The following XKR4 variants were observed in gnomAD, a reference collection of about 807,000 sequenced individuals.
XKR4 encodes XK-related protein 4.
Under a neutral mutation model 53.9 loss-of-function variants are expected in XKR4, and 12 were observed. The ratio of observed to expected loss-of-function variants is 0.22; its 90% CI spans 0.14 to 0.36. The LOEUF is 0.36. XKR4 is among the 10% of genes least tolerant of loss of function. The pLI is 1.00. For missense variants in XKR4, 799 were observed against 859.5 expected (o/e 0.93, Z 0.88); for synonymous variants, 354 against 362.4 (o/e 0.98, Z 0.26).
chr8:55,297,655 A>ATAAG (rs1186990131), intron 1 of XKR4, among the ~76,000 whole-genome samples: 19 of 152,238 alleles, frequency 1.2e-4, no homozygotes, highest in African/African-American at 4.1e-4. Context: ...TTTTTAACAC[A>ATAAG]TAAGTTTTTA....
At chr8:55,432,404 A>G (rs1805116515) in intron 2 of XKR4, among the ~76,000 whole-genome samples, 1 of 152,204 alleles carries the variant, frequency 6.6e-6, no homozygotes, top group Non-Finnish European at 1.5e-5. Flanking sequence ...CAGGAAGTAA[A>G]TGCTGTGCCA....
chr8:55,261,338 G>C (rs1297579042), intron 1 of XKR4, among the ~76,000 whole-genome samples: 1 of 152,266 alleles, frequency 6.6e-6, no homozygotes, highest in Non-Finnish European at 1.5e-5. Flanking sequence ...GCCATATATA[G>C]ATCTAACTAG....
chr8:55,338,199 TA>T (rs1803491316), intron 1 of XKR4, among the ~76,000 whole-genome samples: 1 of 152,264 alleles, frequency 6.6e-6, no homozygotes. Context: ...AATTGTGTTT[TA>T]AAATTTGCAT....
chr8:55,441,765 G>A (rs752347470), intron 2 of XKR4, among the ~76,000 whole-genome samples: 14 of 152,060 alleles, frequency 9.2e-5, no homozygotes, highest in Non-Finnish European at 1.2e-4. Flanking sequence ...ATCATGAATC[G>A]AAGTATAGAG....
chr8:55,491,565 G>A (rs1357131271), intron 2 of XKR4, among the ~76,000 whole-genome samples: 2 of 152,154 alleles, frequency 1.3e-5, no homozygotes, highest in African/African-American at 4.8e-5. Flanking sequence ...TTAAGACATA[G>A]CCTTCTGGGG....
intron 1 of XKR4, among the ~76,000 whole-genome samples, chr8:55,302,986 ATTTCC>A (rs1436066204): frequency 6.6e-6 from 1 of 152,130 alleles, no homozygotes; most frequent in Non-Finnish European, 1.5e-5. Flanking sequence ...AATACCCTTT[ATTTCC>A]TTCTCCTGCC....
rs2129406470 is a variant in XKR4, at chr8:55,528,785, G to C, written c.*4558G>C. ...TGTCATTTTTGAAAACAATCAAAAA[G>C]ATCGCTTGTGTCAGCTTCTGACTCA... On this transcript the variant is annotated 3_prime_UTR_variant, in exon 3 of 3. Coordinates refer to ENST00000327381, the MANE Select transcript of XKR4 (RefSeq NM_052898.2). 1 of 152,078 alleles carries C rather than the reference G, an allele frequency of 6.6e-6. No individual in the cohort carries two copies. Among genetic ancestry groups the C allele is most frequent in the South Asian group, 2.1e-4 (1 of 4,794 alleles). The allele number at this position is 152,078 out of a possible 1,614,324, so 9.4% of individuals were successfully genotyped here.
intron 2 of XKR4, among the ~76,000 whole-genome samples, chr8:55,412,744 ACT>A (rs1804793651): frequency 6.6e-6 from 1 of 152,192 alleles, no homozygotes; most frequent in African/African-American, 2.4e-5. Flanking sequence ...ACAGGAGAAC[ACT>A]CTGAGCTGCT....
chr8:55,316,809 C>T (rs1291874688), intron 1 of XKR4, among the ~76,000 whole-genome samples: 3 of 152,126 alleles, frequency 2.0e-5, no homozygotes, highest in African/African-American at 7.2e-5. Context: ...ATGGTTTGGA[C>T]TGAATTAAAA....
At chr8:55,447,622 T>C (rs2622588) in intron 2 of XKR4, among the ~76,000 whole-genome samples, 2,277 of 152,332 alleles carry the variant, frequency 0.015, 33 homozygotes, top group Middle Eastern at 0.051. Context: ...ATGATATCTG[T>C]CCACTACTGT....
chr8:55,201,784 G>A (rs1474184334), intron 1 of XKR4, among the ~76,000 whole-genome samples: 2 of 152,282 alleles, frequency 1.3e-5, no homozygotes, highest in South Asian at 2.1e-4. Flanking sequence ...TACTGAAATC[G>A]CATGCACATT....
At chr8:55,290,225 G>A (rs995907298) in intron 1 of XKR4, among the ~76,000 whole-genome samples, 2 of 151,740 alleles carry the variant, frequency 1.3e-5, no homozygotes, top group Non-Finnish European at 2.9e-5. Context: ...TGCTTCCCGG[G>A]TTCAATTGAT....
At chr8:55,209,928 C>G (rs1817707880) in intron 1 of XKR4, among the ~76,000 whole-genome samples, 1 of 151,842 alleles carries the variant, frequency 6.6e-6, no homozygotes, top group African/African-American at 2.4e-5. Context: ...ATTTGGGGCC[C>G]AAGAAGACAG....
intron 1 of XKR4, among the ~76,000 whole-genome samples, chr8:55,332,047 T>G (rs1480340199): frequency 6.6e-6 from 1 of 152,156 alleles, no homozygotes; most frequent in Non-Finnish European, 1.5e-5. Flanking sequence ...CCTTAGTATT[T>G]AGTTGATTTT....
chr8:55,115,124 A>T (rs78315292), intron 1 of XKR4, among the ~76,000 whole-genome samples: 2,424 of 152,264 alleles, frequency 0.016, 28 homozygotes, highest in Middle Eastern at 0.048. Context: ...TGCCACCAGC[A>T]TTGTAGCAAG....
At chr8:55,259,398 G>A (rs1385075046) in intron 1 of XKR4, among the ~76,000 whole-genome samples, 1 of 152,214 alleles carries the variant, frequency 6.6e-6, no homozygotes, top group Non-Finnish European at 1.5e-5. Flanking sequence ...AGTGCGATAT[G>A]AGTTGATTTC....
In XKR4 at chr8:55,528,203, C is replaced by A. The variant is rs559461677; in HGVS notation, c.*3976C>A. On this transcript the variant is annotated 3_prime_UTR_variant, in exon 3 of 3. Transcript: ENST00000327381. ...TCTATAAGACCAACACACTTACGAACTTCAGTTGGAAATACCTAAATATAA... is the reference window on the plus strand; with the variant it reads ...TCTATAAGACCAACACACTTACGAAATTCAGTTGGAAATACCTAAATATAA... The A allele has an allele frequency of 1.3e-5, 2 of 152,350 alleles. No individual in the cohort carries two copies. Among genetic ancestry groups the A allele is most frequent in the South Asian group, 2.1e-4 (1 of 4,828 alleles). 9.4% of individuals were successfully genotyped at this position (152,350 alleles called of 1,614,324 possible).
intron 2 of XKR4, among the ~76,000 whole-genome samples, chr8:55,381,398 AG>A (rs1804230915): frequency 6.6e-6 from 1 of 152,204 alleles, no homozygotes; most frequent in Non-Finnish European, 1.5e-5. Flanking sequence ...GGAGGCTAAA[AG>A]GTCCCACTCT....
intron 1 of XKR4, among the ~76,000 whole-genome samples, chr8:55,114,118 G>A (rs1184081668): frequency 6.6e-6 from 1 of 152,080 alleles, no homozygotes; most frequent in African/African-American, 2.4e-5. Context: ...TCAAATGGTA[G>A]TTCTATTTTT....
Sources: allele counts gnomAD v4.1 joint callset (sites outside exome capture counted in the v4.1 genomes callset), GRCh38; gene constraint gnomAD v4.1.1; transcripts MANE v1.5; gene names NCBI Gene and HGNC (gene_info 2026-07-23, HGNC 2026-07-21).